ANKRD24: variants seen among roughly 807,000 people sequenced by gnomAD.
ANKRD24 encodes ankyrin repeat domain 24, also known as ankyrin repeat domain-containing protein 24.
Under a neutral mutation model 127.8 loss-of-function variants are expected in ANKRD24, and 109 were observed. The ratio of observed to expected loss-of-function variants is 0.85; its 90% CI spans 0.73 to 1.00. ANKRD24 has a LOEUF of 1.00. Among genes scored for constraint, ANKRD24 ranks in the 50% least tolerant of loss-of-function variants. The probability of loss-of-function intolerance (pLI) is 0.00; values close to 1 mark genes in which losing one functional copy is unlikely to be tolerated. For missense variants in ANKRD24, 1,648 were observed against 1,570.2 expected, an observed-to-expected ratio of 1.05 and a Z score of -0.84; for synonymous variants, 743 against 671.1, an observed-to-expected ratio of 1.11 and a Z score of -1.66.
chr19:4,194,123 C>A (rs1968561570), intron 2 of ANKRD24, among the ~76,000 whole-genome samples: 1 of 151,834 alleles, frequency 6.6e-6, no homozygotes, highest in South Asian at 2.1e-4. Context: ...GGGCTTGGCC[C>A]CGAAAAAACT....
intron 13 of ANKRD24, among the ~76,000 whole-genome samples, chr19:4,212,012 AAC>A (rs1363186844): frequency 2.6e-5 from 4 of 152,078 alleles, no homozygotes; most frequent in Non-Finnish European, 5.9e-5. Context: ...CATCCTGGCT[AAC>A]ACCGTGAAAC....
rs1279530140 is a variant in ANKRD24 at position 4,216,875 on chromosome 19, T to C, written c.1715T>C (p.Met572Thr). The C allele has an allele frequency of 6.2e-7, 1 of 1,610,822 alleles. No homozygotes were observed. The highest frequency in any genetic ancestry group is 8.5e-7 in the Non-Finnish European group (1 of 1,178,708). ...IDEEAAGDET[M>T]EARTMEAEAT... ...GAGGAGGCTGCAGGAGATGAAACCA[T>C]GGAAGCCAGGACTATGGAAGCTGAG... The change falls in exon 18 of 22, where the codon ATG becomes ACG. Residue 572 changes from methionine to threonine, a missense_variant. Physicochemically the swap from Met to Thr is moderately conservative, Grantham distance 81 (BLOSUM62 -1). Transcript: ENST00000318934.
chr19:4,195,112 A>G lies in ANKRD24; in HGVS notation c.37-4571A>G, dbSNP rs150777933. On this transcript the variant is annotated intron_variant, in intron 2 of 21. Coordinates refer to ENST00000318934, the MANE Select transcript of ANKRD24 (RefSeq NM_001393985.1). The surrounding 1 kb of genome is among the most constrained non-coding windows in gnomAD (Gnocchi z 4.2). ...TTTAGAGAGGGAGTCTCACTCTGTC[A>G]CCCAGGTTGGAGTGCAGTGGCACGA... Among the ~76,000 whole-genome samples the G allele has an allele frequency of 9.7e-4, 143 of 147,810 alleles. 1 individual carries two copies. The highest frequency in any genetic ancestry group is 3.4e-3 in the Middle Eastern group (1 of 294).
At chr19:4,212,733 C>A (rs1009971767) in intron 15 of ANKRD24, 35 bp downstream of exon 15, 3 of 1,520,788 alleles carry the variant, frequency 2.0e-6, no homozygotes, top group African/African-American at 2.8e-5. Context: ...TGGGCTGGGG[C>A]TGGGTCGGGG....
chr19:4,215,752 G>A (rs2145380488), intron 15 of ANKRD24, among the ~76,000 whole-genome samples: 1 of 146,010 alleles, frequency 6.8e-6, no homozygotes, highest in South Asian at 2.2e-4. Flanking sequence ...TCCAGCCTGG[G>A]TGACAGAGTA....
At chr19:4,211,128 C>T (rs938141369) in intron 13 of ANKRD24, among the ~76,000 whole-genome samples, 11 of 152,082 alleles carry the variant, frequency 7.2e-5, no homozygotes, top group Admixed American at 2.0e-4. Flanking sequence ...CCACCGCACC[C>T]GGCCTCTTTA....
At position 4,207,967 on chromosome 19, in the gene ANKRD24, C is replaced by T. The variant is rs61742016; in HGVS notation, c.831C>T (p.Ser277=). ...CGGCCCAGCGCCCCTCCCCACCCAGCGGTATGCAAGCCCCACCTCCCCAAT... is the reference window on the plus strand; with the variant it reads ...CGGCCCAGCGCCCCTCCCCACCCAGTGGTATGCAAGCCCCACCTCCCCAAT... The part of the protein sequence containing the change: ...QEAAQRPSPP[S]ALTEDDSGEA... The change falls in exon 10 of 22, where the codon AGC becomes AGT. Residue 277 remains serine (S), a splice_region_variant and synonymous_variant. Coordinates refer to ENST00000318934, the MANE Select transcript of ANKRD24 (RefSeq NM_001393985.1). 19,592 of 1,488,422 alleles carry T rather than the reference C, an allele frequency of 0.013. 744 individuals carry two copies. The African/African-American group carries it at 0.13, about 10-fold the overall frequency. 92.2% of individuals were successfully genotyped at this position (1,488,422 alleles called of 1,614,324 possible).
chr19:4,193,885 A>AAGGAAGGAAGGAAGGG (rs1968548142), intron 2 of ANKRD24, among the ~76,000 whole-genome samples: 1 of 140,892 alleles, frequency 7.1e-6, no homozygotes, highest in Admixed American at 7.3e-5. Flanking sequence ...GGAAGGAAGG[A>AAGGAAGGAAGGAAGGG]AGGAAGGAAA....
chr19:4,216,255 C>T, intron 16 of ANKRD24, 29 bp from the exon 17 acceptor site: 1 of 1,544,264 alleles, frequency 6.5e-7, no homozygotes, highest in Non-Finnish European at 8.8e-7. Flanking sequence ...GCCCAGGTCC[C>T]CAGGGCCTGA....
At chr19:4,212,903 C>T (rs1322452858) in intron 15 of ANKRD24, among the ~76,000 whole-genome samples, 4 of 152,284 alleles carry the variant, frequency 2.6e-5, no homozygotes, top group East Asian at 3.9e-4. Context: ...GAGGCCGAGG[C>T]GGGCGGATCA....
intron 18 of ANKRD24, 122 bp downstream of exon 18, chr19:4,218,285 T>TTATC: frequency 6.7e-6 from 4 of 595,654 alleles, no homozygotes; most frequent in Non-Finnish European, 7.2e-6. Flanking sequence ...CTACTTTATT[T>TTATC]TATTTATTTA....
rs1403700307 is a variant in ANKRD24 at position 4,219,532 on chromosome 19, G to A, written c.3004-59G>A. 8 of 1,516,074 alleles carry A rather than the reference G, an allele frequency of 5.3e-6. No homozygotes were observed. The Admixed American group carries it at 1.3e-4, about 24-fold the overall frequency. The allele number at this position is 1,516,074 out of a possible 1,614,324, so 93.9% of individuals were successfully genotyped here. A position where few individuals can be genotyped will look rare whatever the true frequency, so the allele number is the denominator to read the frequency against. On this transcript the variant is annotated intron_variant, in intron 18 of 21. Transcript: ENST00000318934. The stretch of plus-strand genomic sequence containing the variant: ...AAGTAGAAGGATCATATGAATTCTG[G>A]GGTCTAGCATCATTGGAGTCTTAGT...
At position 4,216,328 on chromosome 19, in the gene ANKRD24, G is replaced by A. The variant is rs1203342314; in HGVS notation, c.1315G>A (p.Glu439Lys). ...LSRQLSPSAQ[E>K]HLASLQEQVA... ...CAGACAACTCAGTCCGTCGGCCCAG[G>A]AACACCTGGCCTCGCTGCAGGAACA... Residue 439 changes from glutamate (E) to lysine (K), a missense_variant, in exon 17 of 22, where the codon GAA becomes AAA. Glu to Lys is a moderately conservative substitution (Grantham distance 56, BLOSUM62 1). Transcript: ENST00000318934. 1.9e-6 allele frequency: 3 copies of A among 1,567,148 alleles called. No homozygotes were observed. The highest frequency in any genetic ancestry group is 3.8e-5 in the Admixed American group (2 of 52,852).
chr19:4,187,058 T>G (rs1163771924), intron 2 of ANKRD24, among the ~76,000 whole-genome samples: 1 of 151,914 alleles, frequency 6.6e-6, no homozygotes, highest in Non-Finnish European at 1.5e-5. Context: ...TGGCTGCAGT[T>G]TTAAAGAGGG....
rs965878181 is a variant in ANKRD24 at position 4,217,779 on chromosome 19, A to T, written c.2619A>T (p.Glu873Asp). 4.6e-6 allele frequency: 6 copies of T among 1,315,804 alleles called. No homozygotes were observed. The African/African-American group carries it at 9.4e-5, about 21-fold the overall frequency. The allele number at this position is 1,315,804 out of a possible 1,614,324, so 81.5% of individuals were successfully genotyped here. ...AGCAGCAGCGCACGGCGGCCGCGGA[A>T]CTGGGCCGGGCACGGGACGCCGCTG... is the stretch of plus-strand genomic sequence containing the variant. ...TGEQQRTAAA[E>D]LGRARDAAEA... is the part of the protein sequence containing the mutation. Residue 873 changes from glutamate (E) to aspartate (D), a missense_variant, in exon 18 of 22, where the codon GAA (glutamate) becomes GAT (aspartate). Physicochemically the swap from Glu to Asp is conservative, Grantham distance 45 (BLOSUM62 2). Transcript: ENST00000318934.
Position 4,217,757 on chromosome 19 carries a change from AGCAGCGCACG to A in ANKRD24, c.2600_2609del (p.Gln867ArgfsTer140). The A allele has an allele frequency of 7.7e-7, 1 of 1,299,728 alleles. No individual in the cohort carries two copies. Among genetic ancestry groups the A allele is most frequent in the Non-Finnish European group, 9.7e-7 (1 of 1,027,800 alleles). The allele number at this position is 1,299,728 out of a possible 1,614,324, so 80.5% of individuals were successfully genotyped here. A position where few individuals can be genotyped will look rare whatever the true frequency, so the allele number is the denominator to read the frequency against. ...GCCACGGCCAGGGCCACGGGGGAGC[AGCAGCGCACG>A]GCGGCCGCGGAACTGGGCCGGGCAC... On this transcript the variant is annotated frameshift_variant, in exon 18 of 22. Transcript: ENST00000318934. LOFTEE classifies it high-confidence loss of function.
intron 2 of ANKRD24, among the ~76,000 whole-genome samples, chr19:4,190,963 G>A (rs1568313059): frequency 6.6e-6 from 1 of 152,170 alleles, no homozygotes; most frequent in Non-Finnish European, 1.5e-5. Context: ...ACCTCATTCG[G>A]GATGTGGGTG....
At chr19:4,202,710 A>G (rs1321806495) in intron 6 of ANKRD24, among the ~76,000 whole-genome samples, 159 bp from the exon 7 acceptor site, 1 of 152,076 alleles carries the variant, frequency 6.6e-6, no homozygotes, top group Non-Finnish European at 1.5e-5. Context: ...GCTCTCAGCT[A>G]TTTTCTTTTC....
chr19:4,191,742 A>G (rs1968399572), intron 2 of ANKRD24, among the ~76,000 whole-genome samples: 1 of 151,086 alleles, frequency 6.6e-6, no homozygotes, highest in African/African-American at 2.4e-5. Context: ...TCAGCCTCCC[A>G]AAGTGCTGGG....
Sources: allele counts gnomAD v4.1 joint callset (sites outside exome capture counted in the v4.1 genomes callset), GRCh38; gene constraint gnomAD v4.1.1; non-coding constraint Gnocchi (gnomAD v3.1); transcripts MANE v1.5; gene names NCBI Gene and HGNC (gene_info 2026-07-23, HGNC 2026-07-21).